CD59: variants seen among roughly 807,000 people sequenced by gnomAD.
The protein encoded by CD59 is CD59 molecule (CD59 blood group), also known as CD59 glycoprotein.
A neutral mutation model predicts 7.0 loss-of-function variants in CD59; 3 were observed. The ratio of observed to expected loss-of-function variants is 0.43; its 90% CI spans 0.19 to 1.10. The LOEUF (loss-of-function observed/expected upper bound fraction) is 1.10, where lower values mean the gene tolerates loss of function less well. Among genes scored for constraint, CD59 ranks in the 50% least tolerant of loss-of-function variants. The probability of loss-of-function intolerance (pLI) is 0.29; values close to 1 mark genes in which losing one functional copy is unlikely to be tolerated. For missense variants in CD59, 143 were observed against 151.0 expected, an observed-to-expected ratio of 0.95 and a Z score of 0.28; for synonymous variants, 60 against 62.0, an observed-to-expected ratio of 0.97 and a Z score of 0.15.
At chr11:33,710,768 A>T (rs1487196047) in intron 3 of CD59, among the ~76,000 whole-genome samples, 1 of 148,778 alleles carries the variant, frequency 6.7e-6, no homozygotes, top group African/African-American at 2.5e-5. Context: ...TTGCCCGGTC[A>T]TCTGGTCTTG....
rs1284134073 is a variant in CD59 at position 33,726,955 on chromosome 11, C to T, written c.-18-4492G>A. Among the ~76,000 whole-genome samples, 4 of 151,992 alleles carry T rather than the reference C, an allele frequency of 2.6e-5. No individual in the cohort carries two copies. The East Asian group carries it at 7.7e-4, about 29-fold the overall frequency. On this transcript the variant is annotated intron_variant, in intron 1 of 3. Transcript: ENST00000642928. ...TGGATAAATTCCTGGGCACATACAC[C>T]CTCCCAAGACTAAACCAGGAAGAAG...
Position 33,705,482 on chromosome 11 carries a change from T to C in CD59, c.*4644A>G, listed in dbSNP as rs1325977671. 6.6e-6 allele frequency: 1 copy of C among 152,236 alleles called. No homozygotes were observed. Among genetic ancestry groups the C allele is most frequent in the East Asian group, 1.9e-4 (1 of 5,188 alleles). The allele number at this position is 152,236 out of a possible 1,614,324, so 9.4% of individuals were successfully genotyped here. A position where few individuals can be genotyped will look rare whatever the true frequency, so the allele number is the denominator to read the frequency against. ...TGTTTGCTGAGTCTTCTGGCTTTCT[T>C]CCACTCTTCCTGCTCTTGGACATCA... On this transcript the variant is annotated 3_prime_UTR_variant, in exon 4 of 4. Transcript: ENST00000642928.
At chr11:33,713,804 C>T (rs1436916633) in intron 3 of CD59, among the ~76,000 whole-genome samples, 1 of 152,156 alleles carries the variant, frequency 6.6e-6, no homozygotes, top group African/African-American at 2.4e-5. Context: ...CAAACAACAG[C>T]CTTAACGATG....
intron 2 of CD59, chr11:33,718,675 G>A (rs185207439): frequency 5.9e-5 from 9 of 152,296 alleles, no homozygotes; most frequent in African/African-American, 1.9e-4. Context: ...CAGACACAAC[G>A]TGAGGGTCAT....
In CD59 at chr11:33,712,271, A is replaced by C. The variant is rs572797393; in HGVS notation, c.170-1928T>G. On this transcript the variant is annotated intron_variant, in intron 3 of 3. Transcript: ENST00000642928. ...AGGAAAATAAAGGCCAGATGTATAC[A>C]CTCCAAGTATCTTATCGTAGTTTGA... is the stretch of plus-strand genomic sequence containing the variant. Among the ~76,000 whole-genome samples the C allele has an allele frequency of 2.6e-5, 4 of 152,322 alleles. No individual in the cohort carries two copies. In the South Asian group the frequency reaches 8.3e-4, roughly 32 times the overall value.
At chr11:33,734,763 T>G (rs1237285798) in intron 1 of CD59, among the ~76,000 whole-genome samples, 1 of 152,262 alleles carries the variant, frequency 6.6e-6, no homozygotes, top group South Asian at 2.1e-4. Flanking sequence ...TCTTTGCCTT[T>G]AGAAAGCCTC....
chr11:33,723,366 C>T (rs1854152299), intron 1 of CD59, among the ~76,000 whole-genome samples: 1 of 152,192 alleles, frequency 6.6e-6, no homozygotes, highest in African/African-American at 2.4e-5. Context: ...ACAATCCTGA[C>T]AATCATTCCT....
chr11:33,724,790 G>C (rs1450631067), intron 1 of CD59, among the ~76,000 whole-genome samples: 1 of 152,160 alleles, frequency 6.6e-6, no homozygotes, highest in Non-Finnish European at 1.5e-5. Context: ...CACATGACTG[G>C]CTGGTTGTTG....
Position 33,703,514 on chromosome 11 carries a change from T to A in CD59, c.*6612A>T, listed in dbSNP as rs1029997789. 5.9e-5 allele frequency: 9 copies of A among 152,236 alleles called. No individual in the cohort carries two copies. Among genetic ancestry groups the A allele is most frequent in the African/African-American group, 2.2e-4 (9 of 41,472 alleles). The allele number at this position is 152,236 out of a possible 1,614,324, so 9.4% of individuals were successfully genotyped here. ...TGTTGGAGCTTCCTAACGCCCCTGC[T>A]CCCTGGTTTCATTTGGAACCAACTG... is the stretch of plus-strand genomic sequence containing the variant. On this transcript the variant is annotated 3_prime_UTR_variant, in exon 4 of 4. Transcript: ENST00000642928.
At chr11:33,715,471 A>T (rs1387138608) in intron 3 of CD59, among the ~76,000 whole-genome samples, 3 of 152,288 alleles carry the variant, frequency 2.0e-5, no homozygotes, top group Admixed American at 2.0e-4. Flanking sequence ...ATGGTGGCTT[A>T]TGCCTGTAAT....
chr11:33,722,274 A>G, intron 2 of CD59, 105 bp downstream of exon 2: 2 of 858,744 alleles, frequency 2.3e-6, no homozygotes, highest in Admixed American at 1.8e-5. Flanking sequence ...AGGCAAAAGA[A>G]CCAAAGCCAG....
At chr11:33,715,681 A>C (rs371162922) in intron 3 of CD59, among the ~76,000 whole-genome samples, 18 of 152,190 alleles carry the variant, frequency 1.2e-4, no homozygotes, top group African/African-American at 3.1e-4. Flanking sequence ...AGAGTTTTGG[A>C]GTTTGGCCAT....
chr11:33,724,613 G>C (rs1387082459), intron 1 of CD59, among the ~76,000 whole-genome samples: 5 of 152,302 alleles, frequency 3.3e-5, no homozygotes, highest in Middle Eastern at 3.4e-3. Flanking sequence ...TGTGGGGAGG[G>C]AGTGTTGGGG....
Position 33,722,912 on chromosome 11 carries a change from C to T in CD59, c.-18-449G>A. ...AGTGGAACAGGGAGCAATGGCTTAG[C>T]ATACCTGGAAGCTCTGGCTCCTCAC... On this transcript the variant is annotated intron_variant, in intron 1 of 3. Transcript: ENST00000642928. The T allele has an allele frequency of 2.8e-6, 3 of 1,078,154 alleles. No individual in the cohort carries two copies. The East Asian group carries it at 2.0e-4, about 73-fold the overall frequency. The allele number at this position is 1,078,154 out of a possible 1,614,324, so 66.8% of individuals were successfully genotyped here.
At position 33,709,472 on chromosome 11, in the gene CD59, T is replaced by C. The variant is rs529236235; in HGVS notation, c.*654A>G. 1 of 161,738 alleles carries C rather than the reference T, an allele frequency of 6.2e-6. No homozygotes were observed. Among genetic ancestry groups the C allele is most frequent in the South Asian group, 1.7e-4 (1 of 6,018 alleles). 10.0% of individuals were successfully genotyped at this position (161,738 alleles called of 1,614,324 possible). ...ACCATTGATGTATGCTATTACACTT[T>C]TCCAGTGGAAGATAACAAAGCCCAT... On this transcript the variant is annotated 3_prime_UTR_variant, in exon 4 of 4. Transcript: ENST00000642928.
intron 1 of CD59, among the ~76,000 whole-genome samples, chr11:33,723,363 T>C (rs925496374): frequency 7.2e-5 from 11 of 152,196 alleles, no homozygotes; most frequent in African/African-American, 2.7e-4. Context: ...CTGACAATCC[T>C]GACAATCATT....
intron 3 of CD59, among the ~76,000 whole-genome samples, chr11:33,710,723 C>CTT (rs796424873): frequency 7.0e-6 from 1 of 143,206 alleles, no homozygotes; most frequent in Non-Finnish European, 1.5e-5. Context: ...CTTTTCTTTT[C>CTT]TTTTTTTTTT....
chr11:33,717,787 G>A (rs766311971), intron 2 of CD59: 3 of 357,368 alleles, frequency 8.4e-6, no homozygotes, highest in Non-Finnish European at 1.6e-5. Flanking sequence ...AAATTACCGA[G>A]AAACAAACAG....
chr11:33,723,539 G>A (rs995450987), intron 1 of CD59, among the ~76,000 whole-genome samples: 1 of 152,204 alleles, frequency 6.6e-6, no homozygotes, highest in African/African-American at 2.4e-5. Context: ...TGGTGGAGAT[G>A]AGAAAGAGGT....
Sources: allele counts gnomAD v4.1 joint callset (sites outside exome capture counted in the v4.1 genomes callset), GRCh38; gene constraint gnomAD v4.1.1; transcripts MANE v1.5; gene names NCBI Gene and HGNC (gene_info 2026-07-23, HGNC 2026-07-21).